Variants in ATP10B observed in about 807,000 individuals in gnomAD.
ATP10B encodes the protein ATPase phospholipid transporting 10B (putative).
In ATP10B, 122 loss-of-function variants were observed where a neutral mutation model predicts 141.2. That is an observed-to-expected ratio of 0.86 (90% CI 0.75 to 1.00). The LOEUF (loss-of-function observed/expected upper bound fraction) is 1.00, where lower values mean the gene tolerates loss of function less well. Among genes scored for constraint, ATP10B ranks in the 50% least tolerant of loss-of-function variants. The pLI, the probability that ATP10B is intolerant of heterozygous loss-of-function variation, is 0.00. For synonymous variants in ATP10B, 685 were observed against 692.0 expected, an observed-to-expected ratio of 0.99 and a Z score of 0.16; for missense variants, 1,876 against 1,825.3, an observed-to-expected ratio of 1.03 and a Z score of -0.51.
At chr5:160,824,685 G>T (rs1467270139) in intron 1 of ATP10B, among the ~76,000 whole-genome samples, 11 of 150,556 alleles carry the variant, frequency 7.3e-5, no homozygotes, top group Admixed American at 7.2e-4. Flanking sequence ...TAACATAATG[G>T]TTAAGTGTTT....
At chr5:160,862,263 C>G in the ATP10B span, among the ~76,000 whole-genome samples, 1 of 151,802 alleles carries the variant, frequency 6.6e-6, no homozygotes, top group African/African-American at 2.4e-5. Flanking sequence ...TTTTATATAC[C>G]CTGAGTGGAC....
At chr5:160,794,829 T>A (rs765835107) in intron 1 of ATP10B, among the ~76,000 whole-genome samples, 2 of 152,244 alleles carry the variant, frequency 1.3e-5, no homozygotes, top group Non-Finnish European at 2.9e-5. Context: ...CAATATACTC[T>A]CTCATAGCAC....
intron 12 of ATP10B, chr5:160,632,635 T>G: frequency 3.0e-6 from 1 of 329,726 alleles, no homozygotes; most frequent in Non-Finnish European, 5.5e-6. Context: ...TTTTTTTTTT[T>G]TTTTTTTAGG....
chr5:160,683,161 T>C (rs374350696), intron 6 of ATP10B, among the ~76,000 whole-genome samples: 3 of 152,128 alleles, frequency 2.0e-5, no homozygotes, highest in East Asian at 3.8e-4. Flanking sequence ...TCATCCTCTC[T>C]TTATAATTTT....
At chr5:160,892,920 A>G in the ATP10B span, among the ~76,000 whole-genome samples, 3 of 152,204 alleles carry the variant, frequency 2.0e-5, no homozygotes, top group Non-Finnish European at 2.9e-5. Context: ...GTGAGATGTC[A>G]TGTAACCCGG....
intron 24 of ATP10B, among the ~76,000 whole-genome samples, chr5:160,576,304 A>G (rs1397840905): frequency 6.6e-6 from 1 of 152,172 alleles, no homozygotes. Flanking sequence ...GAGGAGTGAG[A>G]AAGTGAAGCC....
the ATP10B span, among the ~76,000 whole-genome samples, chr5:160,929,210 C>A: frequency 2.0e-5 from 3 of 152,194 alleles, no homozygotes; most frequent in Non-Finnish European, 4.4e-5. Flanking sequence ...TAGGATCTAA[C>A]AAGACACTTA....
At chr5:160,603,759 T>C (rs1032959207) in intron 20 of ATP10B, 2 of 532,796 alleles carry the variant, frequency 3.8e-6, no homozygotes, top group Non-Finnish European at 6.8e-6. Context: ...GTTAGTTTGC[T>C]TCTTCCAAGC....
At chr5:160,640,415 A>G (rs752873833) in intron 10 of ATP10B, 46 bp downstream of exon 10, 7 of 1,589,564 alleles carry the variant, frequency 4.4e-6, no homozygotes, top group Non-Finnish European at 6.0e-6. Flanking sequence ...AACTTGCCCA[A>G]ATAAATCGAT....
intron 1 of ATP10B, among the ~76,000 whole-genome samples, chr5:160,787,064 G>A (rs976232453): frequency 7.3e-5 from 11 of 150,550 alleles, no homozygotes; most frequent in Non-Finnish European, 1.6e-4. Flanking sequence ...CAAAGAGAAA[G>A]TCCATAGCCC....
chr5:160,689,214 G>C (rs1763933244), intron 3 of ATP10B, among the ~76,000 whole-genome samples: 1 of 152,156 alleles, frequency 6.6e-6, no homozygotes, highest in African/African-American at 2.4e-5. Flanking sequence ...ACTAGGTATT[G>C]ATGGAAAGTA....
chr5:160,616,503 G>A (rs1758008215), intron 16 of ATP10B, among the ~76,000 whole-genome samples: 1 of 152,154 alleles, frequency 6.6e-6, no homozygotes, highest in African/African-American at 2.4e-5. Flanking sequence ...GAAAGACGGA[G>A]AAAGTTCAGA....
chr5:160,922,480 G>A, the ATP10B span, among the ~76,000 whole-genome samples: 1 of 152,148 alleles, frequency 6.6e-6, no homozygotes, highest in Non-Finnish European at 1.5e-5. Context: ...GGGCAAAAAG[G>A]CAGGTCCGAG....
At chr5:160,764,533 T>C (rs1769267881) in intron 2 of ATP10B, among the ~76,000 whole-genome samples, 1 of 151,978 alleles carries the variant, frequency 6.6e-6, no homozygotes, top group African/African-American at 2.4e-5. Context: ...ATTAAAACCC[T>C]CAGCAAAATC....
intron 1 of ATP10B, among the ~76,000 whole-genome samples, chr5:160,788,387 G>C (rs187130123): frequency 6.6e-6 from 1 of 152,290 alleles, no homozygotes; most frequent in Non-Finnish European, 1.5e-5. Flanking sequence ...ATATTCTTCC[G>C]TTGGGGTTGC....
At chr5:160,927,602 G>A in the ATP10B span, among the ~76,000 whole-genome samples, 1 of 152,220 alleles carries the variant, frequency 6.6e-6, no homozygotes, top group African/African-American at 2.4e-5. Flanking sequence ...GAATGAGAAA[G>A]AGGTAAACTG....
At chr5:160,657,921 C>T (rs545649362) in intron 7 of ATP10B, among the ~76,000 whole-genome samples, 125 of 152,264 alleles carry the variant, frequency 8.2e-4, no homozygotes, top group African/African-American at 2.8e-3. Flanking sequence ...CATCAGATGG[C>T]CAGTGGCACC....
intron 3 of ATP10B, among the ~76,000 whole-genome samples, chr5:160,701,098 A>G (rs1034711415): frequency 6.6e-6 from 1 of 152,000 alleles, no homozygotes; most frequent in African/African-American, 2.4e-5. Flanking sequence ...TGGCCTCGTG[A>G]TTTGTCCCTC....
intron 2 of ATP10B, among the ~76,000 whole-genome samples, chr5:160,737,434 C>T (rs916029166): frequency 2.7e-4 from 41 of 152,140 alleles, no homozygotes; most frequent in African/African-American, 8.2e-4. Context: ...CAATAAAAGA[C>T]ATCCAAACTG....
Sources: allele counts gnomAD v4.1 joint callset (sites outside exome capture counted in the v4.1 genomes callset), GRCh38; gene constraint gnomAD v4.1.1; transcripts MANE v1.5; gene names NCBI Gene and HGNC (gene_info 2026-07-23, HGNC 2026-07-21).